GRM7: variants seen among roughly 807,000 people sequenced by gnomAD.
GRM7 encodes the protein glutamate metabotropic receptor 7, also known as metabotropic glutamate receptor 7.
In GRM7, 35 loss-of-function variants were observed where a neutral mutation model predicts 84.5. The ratio of observed to expected loss-of-function variants is 0.41; its 90% CI spans 0.32 to 0.55. GRM7 has a LOEUF of 0.55. Ranked by LOEUF, GRM7 falls within the 20% of genes least tolerant of loss-of-function variation. The pLI, the probability that GRM7 is intolerant of heterozygous loss-of-function variation, is 0.19. For synonymous variants in GRM7, 487 were observed against 455.1 expected (o/e 1.07, Z -0.89); for missense variants, 1,003 against 1,194.6 (o/e 0.84, Z 2.36).
chr3:6,969,491 T>G (rs1693653743), intron 1 of GRM7, among the ~76,000 whole-genome samples: 1 of 152,216 alleles, frequency 6.6e-6, no homozygotes, highest in African/African-American at 2.4e-5. Context: ...ACTCTACTGA[T>G]GCTCAGTTCA....
chr3:7,574,375 G>A (rs922812423), intron 7 of GRM7, among the ~76,000 whole-genome samples: 1 of 152,068 alleles, frequency 6.6e-6, no homozygotes, highest in East Asian at 1.9e-4. Context: ...GGCCAGGCTG[G>A]TCTTGAATTC....
chr3:7,242,824 T>C (rs1697610409), intron 2 of GRM7, among the ~76,000 whole-genome samples: 1 of 152,186 alleles, frequency 6.6e-6, no homozygotes, highest in African/African-American at 2.4e-5. Flanking sequence ...CCTTTCCATT[T>C]GTTTCTTTCA....
At chr3:7,719,779 AACACACACAC>A (rs71043692) in intron 9 of GRM7, among the ~76,000 whole-genome samples, 2,999 of 133,376 alleles carry the variant, frequency 0.022, 49 homozygotes, top group African/African-American at 0.03. Context: ...ACCACTGGGC[AACACACACAC>A]ACACACACAC....
At chr3:7,652,160 T>G (rs1279081478) in intron 8 of GRM7, among the ~76,000 whole-genome samples, 1 of 152,204 alleles carries the variant, frequency 6.6e-6, no homozygotes, top group African/African-American at 2.4e-5. Flanking sequence ...TTATCCAGAA[T>G]GACTATGAAG....
chr3:7,009,955 A>G (rs1002929350), intron 1 of GRM7, among the ~76,000 whole-genome samples: 3 of 152,232 alleles, frequency 2.0e-5, no homozygotes, highest in Non-Finnish European at 4.4e-5. Flanking sequence ...AGCAACTTTG[A>G]TCTTTATCAA....
At chr3:7,090,336 GAT>G (rs1291589556) in intron 1 of GRM7, among the ~76,000 whole-genome samples, 2 of 151,888 alleles carry the variant, frequency 1.3e-5, no homozygotes, top group East Asian at 3.9e-4. Flanking sequence ...CCTTTCTGGA[GAT>G]AGAGACCTAT....
At chr3:7,560,154 G>A (rs1387497482) in intron 7 of GRM7, 1 of 152,060 alleles carries the variant, frequency 6.6e-6, no homozygotes, top group African/African-American at 2.4e-5. Flanking sequence ...AGGCAAAGTA[G>A]GGAGAGGCAT....
chr3:7,171,723 G>A lies in GRM7; in HGVS notation c.736+25055G>A, dbSNP rs116728577. Among the ~76,000 whole-genome samples, 227 of 152,234 alleles carry A rather than the reference G, an allele frequency of 1.5e-3. 1 individual carries two copies. Among genetic ancestry groups the A allele is most frequent in the African/African-American group, 4.6e-3 (192 of 41,542 alleles). On this transcript the variant is annotated intron_variant, in intron 2 of 9. Coordinates refer to ENST00000357716, the MANE Select transcript of GRM7 (RefSeq NM_000844.4). ...GCCTAAGTTGTTTGGTCTTTGTCAC[G>A]TGGGCCATGAGACATAGAGGCGTGA...
chr3:7,437,369 G>T (rs2124863354), intron 5 of GRM7, among the ~76,000 whole-genome samples: 1 of 152,200 alleles, frequency 6.6e-6, no homozygotes, highest in East Asian at 1.9e-4. Flanking sequence ...GTCCTACTTA[G>T]CTTTCTACAA....
chr3:7,189,112 T>C (rs1191684862), intron 2 of GRM7, among the ~76,000 whole-genome samples: 1 of 152,114 alleles, frequency 6.6e-6, no homozygotes, highest in Admixed American at 6.6e-5. Context: ...TTGCTTCCCA[T>C]AGCAGTGACA....
intron 1 of GRM7, among the ~76,000 whole-genome samples, chr3:6,962,326 G>A (rs1441820800): frequency 6.6e-6 from 1 of 152,084 alleles, no homozygotes; most frequent in African/African-American, 2.4e-5. Flanking sequence ...TGATATCTGA[G>A]GAAATTATAT....
At chr3:7,288,612 A>AT (rs1047387977) in intron 2 of GRM7, among the ~76,000 whole-genome samples, 3 of 152,158 alleles carry the variant, frequency 2.0e-5, no homozygotes, top group African/African-American at 7.2e-5. Flanking sequence ...TCAAATAAGA[A>AT]TGGAGGCATT....
chr3:7,540,656 T>C (rs1575471556), intron 7 of GRM7, among the ~76,000 whole-genome samples: 2 of 152,324 alleles, frequency 1.3e-5, no homozygotes, highest in East Asian at 3.9e-4. Flanking sequence ...TGATGGTGCA[T>C]AACTTTGGAA....
Position 7,272,699 on chromosome 3 carries a change from CT to C in GRM7, c.737-25979del, listed in dbSNP as rs572356345. ...TTCTTGGGATTCGTAGTGATGTGCTCTTTTTTATATCTGATACTAGCAATTT... is the reference window on the plus strand; with the variant it reads ...TTCTTGGGATTCGTAGTGATGTGCTCTTTTTATATCTGATACTAGCAATTT... On this transcript the variant is annotated intron_variant, in intron 2 of 9. Coordinates refer to ENST00000357716, the MANE Select transcript of GRM7 (RefSeq NM_000844.4). Among the ~76,000 whole-genome samples, 210 of 151,856 alleles carry C rather than the reference CT, an allele frequency of 1.4e-3. 1 individual carries two copies. The highest frequency in any genetic ancestry group is 2.6e-3 in the Non-Finnish European group (177 of 67,856).
chr3:7,492,345 T>A (rs1458030641), intron 7 of GRM7, among the ~76,000 whole-genome samples: 1 of 152,134 alleles, frequency 6.6e-6, no homozygotes, highest in Non-Finnish European at 1.5e-5. Context: ...AAAAGTTCAC[T>A]TTTTTTGTAG....
chr3:7,587,134 T>G (rs1490295341), intron 8 of GRM7, among the ~76,000 whole-genome samples: 1 of 152,190 alleles, frequency 6.6e-6, no homozygotes, highest in Admixed American at 6.5e-5. Flanking sequence ...TTATTATATA[T>G]TGATTATATC....
At chr3:7,683,724 A>G (rs1700470513) in intron 9 of GRM7, among the ~76,000 whole-genome samples, 1 of 152,234 alleles carries the variant, frequency 6.6e-6, no homozygotes, top group South Asian at 2.1e-4. Flanking sequence ...ACTCAACTGA[A>G]GAAATACATT....
rs897491667 is a variant in GRM7, at chr3:7,076,227, G to A, written c.520-70225G>A. On this transcript the variant is annotated intron_variant, in intron 1 of 9. Transcript: ENST00000357716. ...CACAATTTAAACAGACTAATGTAAA[G>A]TTAAATAAAAATAGTAGTTCCATTG... Among the ~76,000 whole-genome samples, 13 of 152,166 alleles carry A rather than the reference G, an allele frequency of 8.5e-5. 1 individual carries two copies. Among genetic ancestry groups the A allele is most frequent in the Admixed American group, 3.9e-4 (6 of 15,270 alleles).
At chr3:7,654,673 C>G (rs1699101190) in intron 8 of GRM7, among the ~76,000 whole-genome samples, 1 of 152,138 alleles carries the variant, frequency 6.6e-6, no homozygotes, top group Admixed American at 6.5e-5. Context: ...ATGGGTCTAT[C>G]TGAAAAAATG....
Sources: gnomAD v4.1 joint callset for allele counts (sites outside exome capture counted in the v4.1 genomes callset) on GRCh38, gnomAD v4.1.1 for gene constraint, MANE v1.5 for transcripts, NCBI Gene and HGNC (gene_info 2026-07-23, HGNC 2026-07-21) for gene names.